HERC2: variants seen among roughly 807,000 people sequenced by gnomAD.
HERC2 encodes the protein HECT and RLD domain containing E3 ubiquitin protein ligase 2.
Under a neutral mutation model 537.7 loss-of-function variants are expected in HERC2, and 102 were observed. That is an observed-to-expected ratio of 0.19 (90% CI 0.16 to 0.22). HERC2 has a LOEUF of 0.22. Among genes scored for constraint, HERC2 ranks in the 10% least tolerant of loss-of-function variants. HERC2 has a pLI of 1.00. For missense variants in HERC2, 4,236 were observed against 6,198.2 expected, an observed-to-expected ratio of 0.68 and a Z score of 10.63; for synonymous variants, 2,224 against 2,466.2, an observed-to-expected ratio of 0.90 and a Z score of 2.91.
intron 5 of HERC2, among the ~76,000 whole-genome samples, chr15:28,277,326 T>C (rs1297077781): frequency 6.6e-6 from 1 of 152,094 alleles, no homozygotes; most frequent in Non-Finnish European, 1.5e-5. Flanking sequence ...CTGAATAAGA[T>C]AGGCAGGCTA....
intron 70 of HERC2, among the ~76,000 whole-genome samples, 153 bp from the exon 71 acceptor site, chr15:28,146,497 T>C (rs1186966205): frequency 6.6e-6 from 1 of 152,260 alleles, no homozygotes; most frequent in Non-Finnish European, 1.5e-5. Context: ...TGACCACTCT[T>C]TCCCCAGCTC....
At chr15:28,305,588 T>C (rs1461901430) in intron 2 of HERC2, among the ~76,000 whole-genome samples, 4 of 111,894 alleles carry the variant, frequency 3.6e-5, no homozygotes, top group Non-Finnish European at 7.7e-5. Flanking sequence ...GAAGAAAACC[T>C]AGGCATTACC....
chr15:28,115,861 G>C (rs369514497), intron 88 of HERC2, among the ~76,000 whole-genome samples: 1 of 152,244 alleles, frequency 6.6e-6, no homozygotes, highest in Non-Finnish European at 1.5e-5. Flanking sequence ...GGGAGCTACA[G>C]CCCTGCCCAG....
intron 39 of HERC2, among the ~76,000 whole-genome samples, chr15:28,215,118 C>A (rs1223180169): frequency 4.6e-5 from 7 of 152,236 alleles, no homozygotes; most frequent in East Asian, 1.9e-4. Flanking sequence ...ACCTCATTAT[C>A]CACCTGCCTC....
At chr15:28,194,214 C>T (rs1176067481) in intron 52 of HERC2, among the ~76,000 whole-genome samples, 13 of 150,538 alleles carry the variant, frequency 8.6e-5, no homozygotes, top group East Asian at 4.1e-4. Context: ...TACAGGCGCC[C>T]GCCACCACGC....
chr15:28,144,808 C>T lies in HERC2; in HGVS notation c.11009-4G>A. ...GACCAGTCGGACCACTCTCGGCCTG[C>T]GGGAGGAAAGCGCACCCCGGGGTTA... On this transcript the variant is annotated splice_region_variant and splice_polypyrimidine_tract_variant and intron_variant, in intron 71 of 92. Coordinates refer to ENST00000261609, the MANE Select transcript of HERC2 (RefSeq NM_004667.6). 4.3e-6 allele frequency: 7 copies of T among 1,614,094 alleles called. No individual in the cohort carries two copies. The highest frequency in any genetic ancestry group is 5.9e-6 in the Non-Finnish European group (7 of 1,180,012).
Position 28,111,381 on chromosome 15 carries a change from C to A in HERC2, c.*382G>T. 1 of 217,570 alleles carries A rather than the reference C, an allele frequency of 4.6e-6. No individual in the cohort carries two copies. Among genetic ancestry groups the A allele is most frequent in the Non-Finnish European group, 8.9e-6 (1 of 112,052 alleles). The allele number at this position is 217,570 out of a possible 1,614,324, so 13.5% of individuals were successfully genotyped here. On this transcript the variant is annotated 3_prime_UTR_variant, in exon 93 of 93. Transcript: ENST00000261609. Reference sequence around the variant, plus strand: ...AGTTATTTCCAATATACAATCAAGACGACTCACGACACTTGAAAGAAAGGA... The same window carrying A: ...AGTTATTTCCAATATACAATCAAGAAGACTCACGACACTTGAAAGAAAGGA...
intron 3 of HERC2, among the ~76,000 whole-genome samples, chr15:28,294,077 T>G (rs1328717990): frequency 1.3e-5 from 2 of 152,220 alleles, no homozygotes; most frequent in Non-Finnish European, 2.9e-5. Flanking sequence ...AGGAAACAGT[T>G]CCTCTGTTTA....
chr15:28,273,089 G>A (rs1040975293), intron 7 of HERC2, 85 bp from the exon 8 acceptor site: 13 of 917,280 alleles, frequency 1.4e-5, no homozygotes, highest in African/African-American at 4.9e-5. Flanking sequence ...TTTACTACAC[G>A]CTCCCTCCAA....
intron 66 of HERC2, among the ~76,000 whole-genome samples, chr15:28,168,867 C>T (rs1176088903): frequency 6.6e-6 from 1 of 152,176 alleles, no homozygotes; most frequent in Non-Finnish European, 1.5e-5. Context: ...TCTGGCTCTC[C>T]CTGAGAAAGA....
At chr15:28,172,245 CCAAG>C (rs1894781739) in intron 65 of HERC2, among the ~76,000 whole-genome samples, 1 of 152,074 alleles carries the variant, frequency 6.6e-6, no homozygotes, top group South Asian at 2.1e-4. Flanking sequence ...CATCAAAATC[CCAAG>C]CAAACGATTT....
At chr15:28,316,241 AAAAAAAGGAATTGT>A (rs2077081838) in intron 2 of HERC2, among the ~76,000 whole-genome samples, 1 of 142,630 alleles carries the variant, frequency 7.0e-6, no homozygotes, top group African/African-American at 3.0e-5. Context: ...AAAAAAAAAA[AAAAAAAGGAATTGT>A]CATCAAAGTC....
At chr15:28,235,203 C>T (rs1902297530) in intron 26 of HERC2, among the ~76,000 whole-genome samples, 1 of 152,114 alleles carries the variant, frequency 6.6e-6, no homozygotes, top group South Asian at 2.1e-4. Context: ...CCACCACATT[C>T]GTTCTTCTGA....
intron 2 of HERC2, among the ~76,000 whole-genome samples, chr15:28,319,773 A>G (rs1056300877): frequency 1.3e-5 from 2 of 152,104 alleles, no homozygotes; most frequent in Non-Finnish European, 2.9e-5. Flanking sequence ...GTTTTAGATC[A>G]AGACACTAGA....
intron 69 of HERC2, among the ~76,000 whole-genome samples, chr15:28,154,433 C>T (rs1892776024): frequency 6.6e-6 from 1 of 152,186 alleles, no homozygotes; most frequent in Admixed American, 6.5e-5. Flanking sequence ...TTGAAAACGG[C>T]CGTATCCTTA....
Position 28,265,578 on chromosome 15 carries a change from T to A in HERC2, c.1870+40A>T, listed in dbSNP as rs751978078. The A allele has an allele frequency of 2.6e-6, 4 of 1,543,450 alleles. No homozygotes were observed. Among genetic ancestry groups the A allele is most frequent in the Admixed American group, 1.7e-5 (1 of 59,828 alleles). ...TCCTCCAGGGAAGCTGCCATGCGTGTCCTCGTGGGCCTGTCCAGGGTGGCG... is the reference window on the plus strand; with the variant it reads ...TCCTCCAGGGAAGCTGCCATGCGTGACCTCGTGGGCCTGTCCAGGGTGGCG... On this transcript the variant is annotated intron_variant, in intron 14 of 92. Coordinates refer to ENST00000261609, the MANE Select transcript of HERC2 (RefSeq NM_004667.6). This position sits in a 1 kb window ranked among gnomAD's most constrained non-coding sequence, Gnocchi z 4.0.
At chr15:28,135,965 A>G (rs1197076212) in intron 78 of HERC2, among the ~76,000 whole-genome samples, 1 of 152,202 alleles carries the variant, frequency 6.6e-6, no homozygotes, top group East Asian at 1.9e-4. Flanking sequence ...ATTTTTGTGT[A>G]GAATACCAAC....
chr15:28,320,340 C>T (rs2077197811), intron 2 of HERC2: 1 of 152,316 alleles, frequency 6.6e-6, no homozygotes, highest in Admixed American at 6.5e-5. Flanking sequence ...TCTCCAACTC[C>T]TGACCTCAGG....
chr15:28,245,538 T>G (rs1427435975), intron 23 of HERC2, among the ~76,000 whole-genome samples: 2 of 139,196 alleles, frequency 1.4e-5, no homozygotes, highest in African/African-American at 5.5e-5. Context: ...CAGAGCAAGA[T>G]GTAGTGTCAA....
Sources: allele counts gnomAD v4.1 joint callset (sites outside exome capture counted in the v4.1 genomes callset), GRCh38; gene constraint gnomAD v4.1.1; non-coding constraint Gnocchi (gnomAD v3.1); transcripts MANE v1.5; gene names NCBI Gene and HGNC (gene_info 2026-07-23, HGNC 2026-07-21).